The following CNTN3 variants were observed in gnomAD, a reference collection of about 807,000 sequenced individuals.
The protein encoded by CNTN3 is contactin 3.
CNTN3 carries 60 observed loss-of-function variants against 119.1 expected under a neutral mutation model. The ratio of observed to expected loss-of-function variants is 0.50; its 90% CI spans 0.41 to 0.62. The LOEUF (loss-of-function observed/expected upper bound fraction) is 0.62. Ranked by LOEUF, CNTN3 falls within the 20% of genes least tolerant of loss-of-function variation. CNTN3 has a pLI of 0.00. For missense variants in CNTN3, 1,101 were observed against 1,242.4 expected, an observed-to-expected ratio of 0.89 and a Z score of 1.71; for synonymous variants, 450 against 438.7, an observed-to-expected ratio of 1.03 and a Z score of -0.32.
intron 5 of CNTN3, among the ~76,000 whole-genome samples, chr3:74,397,441 G>A (rs968508464): frequency 1.3e-5 from 2 of 151,734 alleles, no homozygotes; most frequent in Non-Finnish European, 2.9e-5. Context: ...CACAAACTGT[G>A]CTCATATAAG....
At chr3:74,277,587 T>C (rs1177790524) in intron 20 of CNTN3, among the ~76,000 whole-genome samples, 2 of 152,122 alleles carry the variant, frequency 1.3e-5, no homozygotes, top group African/African-American at 4.8e-5. Flanking sequence ...ATTAAAACCC[T>C]CAGCAAAATC....
chr3:74,418,649 T>G (rs1016888276), intron 5 of CNTN3, among the ~76,000 whole-genome samples: 16 of 151,446 alleles, frequency 1.1e-4, no homozygotes, highest in Non-Finnish European at 1.9e-4. Context: ...CTAGAAAGCA[T>G]ATTCTTTCTT....
rs573219287 is a variant in CNTN3, at chr3:74,291,087, C to T, written c.2517+4034G>A. On this transcript the variant is annotated intron_variant, in intron 19 of 22. Coordinates refer to ENST00000263665, the MANE Select transcript of CNTN3 (RefSeq NM_020872.3). ...ATGACAGGCCCCAGTGTGTGATGTT[C>T]CCCACCCTGTGTCCAAGTGTTCTCG... Among the ~76,000 whole-genome samples the T allele has an allele frequency of 2.1e-4, 31 of 151,184 alleles. 1 individual carries two copies. The South Asian group carries it at 2.1e-3, about 10-fold the overall frequency.
At chr3:74,557,279 T>A (rs1209662500) in intron 1 of CNTN3, among the ~76,000 whole-genome samples, 1 of 152,212 alleles carries the variant, frequency 6.6e-6, no homozygotes, top group Non-Finnish European at 1.5e-5. Context: ...CTGTTGGAGT[T>A]CTACCTATAA....
At chr3:74,550,895 T>C (rs1703980369) in intron 1 of CNTN3, among the ~76,000 whole-genome samples, 1 of 152,094 alleles carries the variant, frequency 6.6e-6, no homozygotes, top group Non-Finnish European at 1.5e-5. Context: ...AATGCATGAA[T>C]AGAGTAGCAG....
At chr3:74,322,945 A>C (rs575513053) in intron 13 of CNTN3, among the ~76,000 whole-genome samples, 2 of 152,306 alleles carry the variant, frequency 1.3e-5, no homozygotes, top group African/African-American at 4.8e-5. Context: ...AAAAGGCAAA[A>C]CTATTGAGAC....
At chr3:74,374,053 C>G (rs890572662) in intron 5 of CNTN3, among the ~76,000 whole-genome samples, 2 of 152,114 alleles carry the variant, frequency 1.3e-5, no homozygotes, top group African/African-American at 2.4e-5. Flanking sequence ...TAGTACTGAA[C>G]TGAATGGAGG....
At chr3:74,532,989 T>A (rs1346570592) in intron 1 of CNTN3, among the ~76,000 whole-genome samples, 1 of 151,884 alleles carries the variant, frequency 6.6e-6, no homozygotes, top group Non-Finnish European at 1.5e-5. Flanking sequence ...GGAATAGAAG[T>A]GATGAACCCT....
intron 1 of CNTN3, among the ~76,000 whole-genome samples, chr3:74,564,243 A>G (rs951563753): frequency 1.3e-5 from 2 of 152,046 alleles, no homozygotes; most frequent in East Asian, 3.9e-4. Context: ...TGGGGATCCC[A>G]GGCCAAGGGA....
chr3:74,399,782 G>A (rs1705147754), intron 5 of CNTN3, among the ~76,000 whole-genome samples: 1 of 152,068 alleles, frequency 6.6e-6, no homozygotes, highest in South Asian at 2.1e-4. Flanking sequence ...TTGTCTAGCT[G>A]TAATTTTGTA....
chr3:74,476,690 T>C (rs954453399), intron 4 of CNTN3, among the ~76,000 whole-genome samples: 1 of 151,562 alleles, frequency 6.6e-6, no homozygotes, highest in Non-Finnish European at 1.5e-5. Flanking sequence ...GAGAGAGGGG[T>C]CAAATAATCA....
chr3:74,510,500 T>C (rs554528847), intron 2 of CNTN3, among the ~76,000 whole-genome samples: 1 of 152,218 alleles, frequency 6.6e-6, no homozygotes, highest in South Asian at 2.1e-4. Flanking sequence ...ACCCTAACAG[T>C]AATCTTTTGC....
chr3:74,508,129 C>G (rs975368290), intron 2 of CNTN3, among the ~76,000 whole-genome samples: 1 of 152,124 alleles, frequency 6.6e-6, no homozygotes, highest in African/African-American at 2.4e-5. Flanking sequence ...GTTGAGGTAA[C>G]TGAATTATGC....
intron 1 of CNTN3, among the ~76,000 whole-genome samples, chr3:74,560,947 G>C (rs751998074): frequency 1.4e-5 from 2 of 145,012 alleles, no homozygotes; most frequent in African/African-American, 2.6e-5. Context: ...AACACTGCAC[G>C]TTCTCACTCA....
intron 19 of CNTN3, among the ~76,000 whole-genome samples, chr3:74,286,011 T>C (rs1344544866): frequency 6.6e-6 from 1 of 151,844 alleles, no homozygotes; most frequent in African/African-American, 2.4e-5. Context: ...CTTTCTTAGT[T>C]GTGTTTTGGA....
chr3:74,401,437 C>T (rs933238711), intron 5 of CNTN3, among the ~76,000 whole-genome samples: 1 of 152,192 alleles, frequency 6.6e-6, no homozygotes, highest in East Asian at 1.9e-4. Context: ...TTTAATAGCT[C>T]TAGTTGAATT....
At chr3:74,341,517 C>T (rs896593127) in intron 11 of CNTN3, among the ~76,000 whole-genome samples, 2 of 152,084 alleles carry the variant, frequency 1.3e-5, no homozygotes, top group African/African-American at 4.8e-5. Context: ...ATTTTAACTC[C>T]TTGATCAGTT....
rs2107044031 is a variant in CNTN3, at chr3:74,486,567, T to G, written c.247A>C (p.Asn83His). The change falls in exon 4 of 23, where the codon AAT (asparagine) becomes CAT (histidine). Residue 83 changes from asparagine (N) to histidine (H), a missense_variant. Physicochemically the swap from Asn to His is moderately conservative, Grantham distance 68. Transcript: ENST00000263665. ...MEHRYKLNGG[N>H]LVVINPNRNW... ...CTGTTGGGATTAATAACCACAAGATTTCCTCCATTCAACTTATAACGATGT... is the reference window on the plus strand; with the variant it reads ...CTGTTGGGATTAATAACCACAAGATGTCCTCCATTCAACTTATAACGATGT... 6.2e-7 allele frequency: 1 copy of G among 1,609,596 alleles called. No homozygotes were observed. The highest frequency in any genetic ancestry group is 1.7e-5 in the Admixed American group (1 of 58,476).
chr3:74,475,029 A>T (rs1165276236), intron 4 of CNTN3, among the ~76,000 whole-genome samples: 1 of 152,086 alleles, frequency 6.6e-6, no homozygotes, highest in East Asian at 1.9e-4. Flanking sequence ...AGCCTGCAGA[A>T]CCATAAGCCA....
Sources: gnomAD v4.1 joint callset for allele counts (sites outside exome capture counted in the v4.1 genomes callset) on GRCh38, gnomAD v4.1.1 for gene constraint, MANE v1.5 for transcripts, NCBI Gene and HGNC (gene_info 2026-07-23, HGNC 2026-07-21) for gene names.